The following PIK3C2G variants were observed in gnomAD, a reference collection of about 807,000 sequenced individuals.
PIK3C2G encodes the protein phosphatidylinositol 3-kinase C2 domain-containing subunit gamma.
Under a neutral mutation model 181.1 loss-of-function variants are expected in PIK3C2G, and 168 were observed. That is an observed-to-expected ratio of 0.93 (90% CI 0.82 to 1.05). The LOEUF (loss-of-function observed/expected upper bound fraction) is 1.05, where lower values mean the gene tolerates loss of function less well. PIK3C2G is among the 50% of genes least tolerant of loss of function. The probability of loss-of-function intolerance (pLI) is 0.00; values close to 1 mark genes in which losing one functional copy is unlikely to be tolerated. For synonymous variants in PIK3C2G, 573 were observed against 592.2 expected, an observed-to-expected ratio of 0.97 and a Z score of 0.47; for missense variants, 1,869 against 1,732.8, an observed-to-expected ratio of 1.08 and a Z score of -1.40.
intron 14 of PIK3C2G, among the ~76,000 whole-genome samples, chr12:18,389,905 C>T (rs1448983701): frequency 1.3e-5 from 2 of 152,140 alleles, no homozygotes; most frequent in African/African-American, 2.4e-5. Context: ...TTAGTATCAA[C>T]ATAAAATTAT....
intron 24 of PIK3C2G, among the ~76,000 whole-genome samples, chr12:18,525,752 A>G (rs1417692270): frequency 1.3e-5 from 2 of 152,218 alleles, no homozygotes; most frequent in East Asian, 1.9e-4. Context: ...TAAGCCAGCT[A>G]TTAAATATTC....
the PIK3C2G span, among the ~76,000 whole-genome samples, chr12:18,660,406 C>G: frequency 6.6e-6 from 1 of 152,148 alleles, no homozygotes; most frequent in Non-Finnish European, 1.5e-5. Flanking sequence ...GCAAGCCCTT[C>G]CCTCTCCAGC....
At chr12:18,365,955 C>G (rs1941613087) in intron 12 of PIK3C2G, among the ~76,000 whole-genome samples, 2 of 152,184 alleles carry the variant, frequency 1.3e-5, no homozygotes, top group Non-Finnish European at 2.9e-5. Flanking sequence ...GCTCTCTTCT[C>G]AAAACATATC....
chr12:18,632,893 GTATTTAACCTGATATCTGAAATAA>G (rs1949411167), intron 31 of PIK3C2G, among the ~76,000 whole-genome samples: 1 of 152,140 alleles, frequency 6.6e-6, no homozygotes, highest in Non-Finnish European at 1.5e-5. Context: ...GACATACCCT[GTATTTAACCTGATATCTGAAATAA>G]TATTTAACCT....
chr12:18,261,051 T>C (rs1240735162), upstream of PIK3C2G, among the ~76,000 whole-genome samples: 5 of 152,134 alleles, frequency 3.3e-5, no homozygotes, highest in Non-Finnish European at 2.9e-5. Context: ...AATGAACTTA[T>C]TAAATTCTAA....
intron 29 of PIK3C2G, among the ~76,000 whole-genome samples, chr12:18,568,421 T>C (rs1945752601): frequency 6.6e-6 from 1 of 151,788 alleles, no homozygotes; most frequent in Admixed American, 6.6e-5. Context: ...TGTCTGTGTG[T>C]GTGTGAGACA....
chr12:18,443,091 G>A (rs1195230882), intron 18 of PIK3C2G, among the ~76,000 whole-genome samples: 5 of 151,700 alleles, frequency 3.3e-5, no homozygotes, highest in African/African-American at 1.2e-4. Context: ...GTTTGGTCTC[G>A]AACTCCTGAC....
intron 10 of PIK3C2G, among the ~76,000 whole-genome samples, chr12:18,345,548 T>C (rs1002615837): frequency 6.6e-6 from 1 of 152,186 alleles, no homozygotes; most frequent in Non-Finnish European, 1.5e-5. Flanking sequence ...GGAAGCTCCA[T>C]GTCAAGCTGG....
chr12:18,533,950 T>C (rs1245363121), intron 24 of PIK3C2G, among the ~76,000 whole-genome samples: 8 of 138,172 alleles, frequency 5.8e-5, no homozygotes, highest in Admixed American at 3.6e-4. Flanking sequence ...TCTTTTTTTT[T>C]TTTTTTTTTT....
At chr12:18,444,725 A>T (rs892339449) in intron 18 of PIK3C2G, among the ~76,000 whole-genome samples, 4 of 152,096 alleles carry the variant, frequency 2.6e-5, no homozygotes, top group Non-Finnish European at 2.9e-5. Flanking sequence ...TATCTAACAT[A>T]AACTGGATAC....
intron 18 of PIK3C2G, among the ~76,000 whole-genome samples, chr12:18,443,573 A>C (rs1946862952): frequency 2.0e-5 from 3 of 152,162 alleles, no homozygotes; most frequent in African/African-American, 7.2e-5. Flanking sequence ...AATCACCGAA[A>C]AACTCCTTCT....
At chr12:18,534,471 CA>C (rs1334462720) in intron 24 of PIK3C2G, among the ~76,000 whole-genome samples, 1 of 151,874 alleles carries the variant, frequency 6.6e-6, no homozygotes, top group African/African-American at 2.4e-5. Flanking sequence ...ATTTTGACAA[CA>C]AAAATGACAG....
chr12:18,376,450 T>G (rs899476571), intron 13 of PIK3C2G, among the ~76,000 whole-genome samples: 13 of 152,194 alleles, frequency 8.5e-5, no homozygotes, highest in Admixed American at 7.2e-4. Context: ...TAACTTGTTT[T>G]GATTTTATGG....
the PIK3C2G span, among the ~76,000 whole-genome samples, chr12:18,698,186 G>C: frequency 2.0e-5 from 3 of 151,648 alleles, no homozygotes; most frequent in Admixed American, 2.0e-4. Context: ...TCACATGCAC[G>C]ATGCACAATT....
intron 26 of PIK3C2G, among the ~76,000 whole-genome samples, chr12:18,550,381 C>T (rs1353828043): frequency 6.6e-6 from 1 of 151,916 alleles, no homozygotes; most frequent in Admixed American, 6.6e-5. Context: ...AACAGGATAC[C>T]CATGACTCAA....
At chr12:18,473,935 A>G (rs1233179914) in intron 18 of PIK3C2G, among the ~76,000 whole-genome samples, 1 of 152,098 alleles carries the variant, frequency 6.6e-6, no homozygotes, top group Non-Finnish European at 1.5e-5. Flanking sequence ...TTAATTTAGC[A>G]GGTATTTTGA....
At chr12:18,436,187 G>C (rs1262750922) in intron 18 of PIK3C2G, among the ~76,000 whole-genome samples, 1 of 152,018 alleles carries the variant, frequency 6.6e-6, no homozygotes, top group Admixed American at 6.6e-5. Context: ...GTTACAAGAA[G>C]ATTGACACAA....
chr12:18,427,476 G>A (rs551177574), intron 18 of PIK3C2G, among the ~76,000 whole-genome samples: 7 of 148,168 alleles, frequency 4.7e-5, no homozygotes, highest in African/African-American at 1.7e-4. Flanking sequence ...ACTCCAGCCT[G>A]GGCTGACAAC....
At chr12:18,698,718 G>A in the PIK3C2G span, among the ~76,000 whole-genome samples, 1 of 152,032 alleles carries the variant, frequency 6.6e-6, no homozygotes, top group African/African-American at 2.4e-5. Context: ...ACAATGTCTA[G>A]TAACACATCA....
Sources: gnomAD v4.1 joint callset for allele counts (sites outside exome capture counted in the v4.1 genomes callset) on GRCh38, gnomAD v4.1.1 for gene constraint, MANE v1.5 for transcripts, NCBI Gene and HGNC (gene_info 2026-07-23, HGNC 2026-07-21) for gene names.